Variants in HACE1 observed in about 807,000 individuals in gnomAD.
The protein encoded by HACE1 is E3 ubiquitin-protein ligase HACE1.
Under a neutral mutation model 118.4 loss-of-function variants are expected in HACE1, and 73 were observed. The observed-to-expected ratio is 0.62, with a 90% confidence interval of 0.51 to 0.75. The LOEUF is 0.75. Ranked by LOEUF, HACE1 falls within the 30% of genes least tolerant of loss-of-function variation. The pLI is 0.00. For synonymous variants in HACE1, 368 were observed against 374.8 expected, an observed-to-expected ratio of 0.98 and a Z score of 0.21; for missense variants, 749 against 1,102.2, an observed-to-expected ratio of 0.68 and a Z score of 4.54.
At chr6:104,755,437 A>G (rs1582676004) in intron 19 of HACE1, among the ~76,000 whole-genome samples, 1 of 152,200 alleles carries the variant, frequency 6.6e-6, no homozygotes, top group Non-Finnish European at 1.5e-5. Context: ...GACCTGATAG[A>G]TATCTACAGA....
chr6:104,755,299 A>G (rs1221773037), intron 19 of HACE1, among the ~76,000 whole-genome samples: 1 of 152,210 alleles, frequency 6.6e-6, no homozygotes, highest in African/African-American at 2.4e-5. Context: ...AGAGAACTGC[A>G]AAGAGACTGA....
intron 17 of HACE1, among the ~76,000 whole-genome samples, chr6:104,773,055 T>TA (rs1246103735): frequency 6.6e-6 from 1 of 151,858 alleles, no homozygotes; most frequent in Non-Finnish European, 1.5e-5. Flanking sequence ...AAAAAAAAAA[T>TA]ACTACTAGTT....
intron 4 of HACE1, among the ~76,000 whole-genome samples, chr6:104,846,788 C>T (rs182913987): frequency 3.9e-5 from 6 of 152,296 alleles, no homozygotes; most frequent in East Asian, 3.9e-4. Context: ...TCAGCCACTA[C>T]AGGAAGTACT....
intron 19 of HACE1, among the ~76,000 whole-genome samples, chr6:104,756,377 AC>A (rs1778647102): frequency 6.9e-6 from 1 of 145,380 alleles, no homozygotes; most frequent in African/African-American, 2.5e-5. Flanking sequence ...ACACCACTGC[AC>A]CCCAGCCTGA....
At position 104,763,593 on chromosome 6, in the gene HACE1, TA is replaced by T. The variant is rs1026850387; in HGVS notation, c.2211+7599del. On this transcript the variant is annotated intron_variant, in intron 19 of 23. Transcript: ENST00000262903. ...CACTTACACCTAACTACTTAATGGT[TA>T]AAAAAAAAAAAGGGGCATACCATTA... 3.6e-3 allele frequency among the ~76,000 whole-genome samples: 508 copies of T among 140,840 alleles called. 1 individual carries two copies. The highest frequency in any genetic ancestry group is 7.2e-3 in the African/African-American group (278 of 38,516). 92.4% of individuals were successfully genotyped at this position (140,840 alleles called of 152,430 possible). A position where few individuals can be genotyped will look rare whatever the true frequency, so the allele number is the denominator to read the frequency against.
At chr6:104,845,360 G>A (rs1775551641) in intron 4 of HACE1, among the ~76,000 whole-genome samples, 2 of 150,294 alleles carry the variant, frequency 1.3e-5, no homozygotes, top group Admixed American at 1.3e-4. Flanking sequence ...AAACTTTTTA[G>A]AAAAAAACAA....
At chr6:104,757,255 A>G (rs1465612100) in intron 19 of HACE1, among the ~76,000 whole-genome samples, 1 of 152,096 alleles carries the variant, frequency 6.6e-6, no homozygotes, top group African/African-American at 2.4e-5. Context: ...CAGACAGACT[A>G]CCTCCTCAAG....
rs9399895 is a variant in HACE1 at position 104,730,532 on chromosome 6, G to A, written c.2514-116C>T. Reference sequence around the variant, plus strand: ...TCCAACTCTAGGACAATGACAACACGACACTTTTTAGTCTACAAAACTCCA... The same window carrying A: ...TCCAACTCTAGGACAATGACAACACAACACTTTTTAGTCTACAAAACTCCA... On this transcript the variant is annotated intron_variant, in intron 22 of 23. Transcript: ENST00000262903. The A allele has an allele frequency of 6.0e-3, 4,119 of 686,692 alleles. 19 individuals are homozygous for A. The highest frequency in any genetic ancestry group is 8.8e-3 in the Non-Finnish European group (3,312 of 376,090). The allele number at this position is 686,692 out of a possible 1,614,324, so 42.5% of individuals were successfully genotyped here.
chr6:104,737,471 G>T (rs184666515), intron 22 of HACE1, among the ~76,000 whole-genome samples: 60 of 152,134 alleles, frequency 3.9e-4, no homozygotes, highest in African/African-American at 1.4e-3. Flanking sequence ...GTGGGTGTGC[G>T]CACCGTGCGC....
At chr6:104,769,022 T>C (rs937539203) in intron 19 of HACE1, among the ~76,000 whole-genome samples, 88 of 152,130 alleles carry the variant, frequency 5.8e-4, no homozygotes, top group African/African-American at 2.0e-3. Flanking sequence ...AATATAGATA[T>C]ACCTCATACA....
At position 104,734,426 on chromosome 6, in the gene HACE1, GA is replaced by G. The variant is rs947882386; in HGVS notation, c.2514-4011del. Among the ~76,000 whole-genome samples, 8 of 151,644 alleles carry G rather than the reference GA, an allele frequency of 5.3e-5. 1 individual carries two copies. Among genetic ancestry groups the G allele is most frequent in the East Asian group, 1.9e-4 (1 of 5,166 alleles). ...AATACAGAATCCAAAAATTAAAAAA[GA>G]AAAAAAATTTATACTTTTGGTTTTG... is the stretch of plus-strand genomic sequence containing the variant. On this transcript the variant is annotated intron_variant, in intron 22 of 23. Transcript: ENST00000262903.
chr6:104,806,243 C>T (rs910568499), intron 7 of HACE1, among the ~76,000 whole-genome samples: 1 of 152,158 alleles, frequency 6.6e-6, no homozygotes. Context: ...TGGAGAATCA[C>T]TTGAGGCCAG....
chr6:104,800,806 TCTC>T (rs1770246836), intron 7 of HACE1, among the ~76,000 whole-genome samples: 1 of 152,148 alleles, frequency 6.6e-6, no homozygotes, highest in Non-Finnish European at 1.5e-5. Flanking sequence ...GAGCACCTCT[TCTC>T]CTCCAACTGC....
chr6:104,765,389 C>T (rs145764902), intron 19 of HACE1, among the ~76,000 whole-genome samples: 1 of 152,354 alleles, frequency 6.6e-6, no homozygotes, highest in East Asian at 1.9e-4. Flanking sequence ...TAGGACATCC[C>T]TGCACATTTA....
intron 7 of HACE1, among the ~76,000 whole-genome samples, chr6:104,803,555 T>A (rs1770641747): frequency 6.6e-6 from 1 of 152,140 alleles, no homozygotes; most frequent in South Asian, 2.1e-4. Context: ...CAAGGCTGGC[T>A]CAACATATGC....
In HACE1 at chr6:104,777,372, T is replaced by G. The variant is rs77790366; in HGVS notation, c.1567-55A>C. On this transcript the variant is annotated intron_variant, in intron 14 of 23. Coordinates refer to ENST00000262903, the MANE Select transcript of HACE1 (RefSeq NM_020771.4). ...TAGCAGTGTATCAGTCATCTAATTATCAGATTTACTAGCTTGCTAAATGCC... is the reference window on the plus strand; with the variant it reads ...TAGCAGTGTATCAGTCATCTAATTAGCAGATTTACTAGCTTGCTAAATGCC... 395 of 1,039,680 alleles carry G rather than the reference T, an allele frequency of 3.8e-4. 1 individual carries two copies. In the African/African-American group the frequency reaches 5.9e-3, roughly 15 times the overall value. The allele number at this position is 1,039,680 out of a possible 1,614,324, so 64.4% of individuals were successfully genotyped here. A position where few individuals can be genotyped will look rare whatever the true frequency, so the allele number is the denominator to read the frequency against.
rs1771889755 is a variant in HACE1 at position 104,814,201 on chromosome 6, A to G, written c.535-2808T>C. ...AAAAAAGTTCCCAGAACTGAAAGAC[A>G]TCAGGTGCCAGGTTTAAAAGGCTCA... is the stretch of plus-strand genomic sequence containing the variant. On this transcript the variant is annotated intron_variant, in intron 6 of 23. Coordinates refer to ENST00000262903, the MANE Select transcript of HACE1 (RefSeq NM_020771.4). Among the ~76,000 whole-genome samples the G allele has an allele frequency of 1.5e-5, 2 of 137,722 alleles. 1 individual carries two copies. The highest frequency in any genetic ancestry group is 4.5e-4 in the South Asian group (2 of 4,470). 90.4% of individuals were successfully genotyped at this position (137,722 alleles called of 152,430 possible). A position where few individuals can be genotyped will look rare whatever the true frequency, so the allele number is the denominator to read the frequency against.
At chr6:104,757,643 A>T (rs1358716797) in intron 19 of HACE1, among the ~76,000 whole-genome samples, 1 of 152,236 alleles carries the variant, frequency 6.6e-6, no homozygotes, top group Non-Finnish European at 1.5e-5. Context: ...CTTCACCTCC[A>T]AAGGAACACA....
In HACE1 at chr6:104,729,446, A is replaced by C; in HGVS notation, c.*216T>G. 1.8e-6 allele frequency: 1 copy of C among 559,854 alleles called. No homozygotes were observed. Among genetic ancestry groups the C allele is most frequent in the South Asian group, 2.2e-5 (1 of 45,948 alleles). 34.7% of individuals were successfully genotyped at this position (559,854 alleles called of 1,614,324 possible). ...TTTCAGTTAGCATTTTAAAAAATAA[A>C]ATCTACTGTGATTTTATATTTTCTA... On this transcript the variant is annotated 3_prime_UTR_variant, in exon 24 of 24. Transcript: ENST00000262903.
Sources: gnomAD v4.1 joint callset for allele counts (sites outside exome capture counted in the v4.1 genomes callset) on GRCh38, gnomAD v4.1.1 for gene constraint, MANE v1.5 for transcripts, NCBI Gene and HGNC (gene_info 2026-07-23, HGNC 2026-07-21) for gene names.